The following CNTNAP3B variants were observed in gnomAD, a reference collection of about 807,000 sequenced individuals.
The protein encoded by CNTNAP3B is contactin-associated protein-like 3B.
In CNTNAP3B, 25 loss-of-function variants were observed where a neutral mutation model predicts 108.9. The observed-to-expected ratio is 0.23, with a 90% confidence interval of 0.17 to 0.32. The LOEUF is 0.32. Among genes scored for constraint, CNTNAP3B ranks in the 10% least tolerant of loss-of-function variants. CNTNAP3B has a pLI of 1.00. For missense variants in CNTNAP3B, 252 were observed against 1,210.4 expected (o/e 0.21, Z 11.75); for synonymous variants, 103 against 473.4 (o/e 0.22, Z 10.16).
chr9:42,035,856 G>C (rs1826614834), intron 3 of CNTNAP3B, among the ~76,000 whole-genome samples: 1 of 144,678 alleles, frequency 6.9e-6, no homozygotes, highest in Non-Finnish European at 1.5e-5. Context: ...CTTGAGATGA[G>C]GTCTTGCTAT....
chr9:42,114,925 G>A lies in CNTNAP3B; in HGVS notation c.86-10186C>T, dbSNP rs1247369557. On this transcript the variant is annotated intron_variant, in intron 1 of 23. Transcript: ENST00000377561. ...AAAAATTAGCTGGGCATGGTAGCGG[G>A]AACTTGCAATCCCAGCTACTCGGGA... Among the ~76,000 whole-genome samples the A allele has an allele frequency of 1.5e-5, 2 of 135,128 alleles. 1 individual carries two copies. The highest frequency in any genetic ancestry group is 3.1e-5 in the Non-Finnish European group (2 of 63,686). 88.6% of individuals were successfully genotyped at this position (135,128 alleles called of 152,430 possible). A position where few individuals can be genotyped will look rare whatever the true frequency, so the allele number is the denominator to read the frequency against.
At chr9:41,933,923 G>C (rs1181807659) in intron 14 of CNTNAP3B, among the ~76,000 whole-genome samples, 1 of 152,074 alleles carries the variant, frequency 6.6e-6, no homozygotes, top group Non-Finnish European at 1.5e-5. Context: ...CAACAATAAT[G>C]TATAATACAT....
At chr9:41,952,966 G>T (rs1824737398) in intron 13 of CNTNAP3B, among the ~76,000 whole-genome samples, 1 of 152,204 alleles carries the variant, frequency 6.6e-6, no homozygotes, top group African/African-American at 2.4e-5. Flanking sequence ...CACTAGTCCT[G>T]CATATGAACG....
At chr9:41,957,520 G>C (rs1824897909) in intron 12 of CNTNAP3B, among the ~76,000 whole-genome samples, 2 of 136,788 alleles carry the variant, frequency 1.5e-5, no homozygotes, top group Admixed American at 7.5e-5. Flanking sequence ...GCTGTGCCTG[G>C]TCTACTAATA....
rs1470125317 is a variant in CNTNAP3B, at chr9:41,984,030, G to A, written c.1477+2138C>T. ...CGCGCCACTGCACTCCAGCCTGGGGGACACAGCGAGACTCCGCCTCAAAAA... is the reference window on the plus strand; with the variant it reads ...CGCGCCACTGCACTCCAGCCTGGGGAACACAGCGAGACTCCGCCTCAAAAA... On this transcript the variant is annotated intron_variant, in intron 9 of 23. Transcript: ENST00000377561. Among the ~76,000 whole-genome samples, 56 of 92,916 alleles carry A rather than the reference G, an allele frequency of 6.0e-4. 18 individuals carry two copies. Among genetic ancestry groups the A allele is most frequent in the Admixed American group, 1.3e-3 (11 of 8,638 alleles). The allele number at this position is 92,916 out of a possible 152,430, so 61.0% of individuals were successfully genotyped here.
At chr9:42,026,637 G>A (rs1165269964) in intron 3 of CNTNAP3B, among the ~76,000 whole-genome samples, 1 of 100,746 alleles carries the variant, frequency 9.9e-6, no homozygotes, top group African/African-American at 4.0e-5. Context: ...TTGCAAAGCA[G>A]AATTTTCAGA....
chr9:41,935,909 G>A (rs973217104), intron 14 of CNTNAP3B, among the ~76,000 whole-genome samples: 83 of 152,264 alleles, frequency 5.5e-4, no homozygotes, highest in Non-Finnish European at 9.3e-4. Flanking sequence ...CAGAGGACCT[G>A]CACCCACCTC....
intron 14 of CNTNAP3B, among the ~76,000 whole-genome samples, chr9:41,934,124 C>CACATATATATATAT (rs1824074196): frequency 3.8e-5 from 4 of 105,660 alleles, no homozygotes; most frequent in Admixed American, 1.9e-4. Flanking sequence ...TATATATATA[C>CACATATATATATAT]ACACACATAT....
At chr9:41,991,032 G>A (rs772071029) in intron 8 of CNTNAP3B, among the ~76,000 whole-genome samples, 4,980 of 132,482 alleles carry the variant, frequency 0.038, 380 homozygotes, top group Non-Finnish European at 0.057. Flanking sequence ...CTGAGGCTTA[G>A]GAGGCTTCGT....
intron 8 of CNTNAP3B, among the ~76,000 whole-genome samples, chr9:41,987,466 GATAAA>G (rs1179979553): frequency 1.2e-5 from 1 of 85,472 alleles, no homozygotes; most frequent in African/African-American, 4.1e-5. Context: ...GTCTCAAAAA[GATAAA>G]ATAAAATAAA....
In CNTNAP3B at chr9:42,011,811, C is replaced by T. The variant is rs1826136285; in HGVS notation, c.538+1567G>A. Among the ~76,000 whole-genome samples the T allele has an allele frequency of 5.3e-5, 5 of 93,754 alleles. 2 individuals are homozygous for T. The Admixed American group carries it at 5.5e-4, about 10-fold the overall frequency. The allele number at this position is 93,754 out of a possible 152,430, so 61.5% of individuals were successfully genotyped here. The stretch of plus-strand genomic sequence containing the variant: ...TTACTGTCAACAACAAAAATAAAAT[C>T]ACCATACTTGAACAATTATTCTTCT... On this transcript the variant is annotated intron_variant, in intron 4 of 23. Transcript: ENST00000377561.
intron 3 of CNTNAP3B, among the ~76,000 whole-genome samples, chr9:42,051,791 G>A (rs1826965205): frequency 6.6e-6 from 1 of 151,872 alleles, no homozygotes; most frequent in East Asian, 1.9e-4. Context: ...TTGTGTTCTT[G>A]GGATATTTTT....
chr9:41,968,076 T>C (rs1240744442), intron 10 of CNTNAP3B, among the ~76,000 whole-genome samples: 1 of 152,244 alleles, frequency 6.6e-6, no homozygotes, highest in East Asian at 1.9e-4. Flanking sequence ...ACAATAGTTT[T>C]GTACTTTGGG....
chr9:42,119,380 G>A (rs1384220441), intron 1 of CNTNAP3B, among the ~76,000 whole-genome samples: 3 of 133,138 alleles, frequency 2.3e-5, no homozygotes, highest in Non-Finnish European at 4.7e-5. Flanking sequence ...GGAAGAATCA[G>A]TATCATGAAA....
At chr9:41,945,652 A>T (rs62536522) in intron 13 of CNTNAP3B, among the ~76,000 whole-genome samples, 1 of 151,704 alleles carries the variant, frequency 6.6e-6, no homozygotes, top group Non-Finnish European at 1.5e-5. Context: ...GCATTAGGAG[A>T]TATAGCTAAT....
intron 2 of CNTNAP3B, among the ~76,000 whole-genome samples, chr9:42,096,366 T>G (rs1436516431): frequency 1.4e-5 from 2 of 140,508 alleles, no homozygotes; most frequent in Non-Finnish European, 3.1e-5. Flanking sequence ...GCAGAAAAAT[T>G]AAAACACCTT....
At chr9:42,086,197 A>G (rs1827699391) in intron 2 of CNTNAP3B, among the ~76,000 whole-genome samples, 1 of 142,924 alleles carries the variant, frequency 7.0e-6, no homozygotes, top group African/African-American at 2.7e-5. Context: ...TAAAACCATC[A>G]GACCTTGTGA....
chr9:41,973,273 C>T (rs1245713649), intron 9 of CNTNAP3B, among the ~76,000 whole-genome samples: 11 of 136,172 alleles, frequency 8.1e-5, no homozygotes, highest in South Asian at 2.6e-4. Context: ...AAAATGAATT[C>T]GATAACTCTG....
intron 13 of CNTNAP3B, among the ~76,000 whole-genome samples, chr9:41,952,945 A>G (rs1824736849): frequency 6.6e-6 from 1 of 152,146 alleles, no homozygotes; most frequent in Non-Finnish European, 1.5e-5. Context: ...CTTGATTAAG[A>G]AAGGACAAGT....
Sources: gnomAD v4.1 joint callset for allele counts (sites outside exome capture counted in the v4.1 genomes callset) on GRCh38, gnomAD v4.1.1 for gene constraint, MANE v1.5 for transcripts, NCBI Gene and HGNC (gene_info 2026-07-23, HGNC 2026-07-21) for gene names.